The following TRPS1 variants were observed in gnomAD, a reference collection of about 807,000 sequenced individuals.
TRPS1 encodes the protein zinc finger transcription factor Trps1.
A neutral mutation model predicts 101.2 loss-of-function variants in TRPS1; 6 were observed. The ratio of observed to expected loss-of-function variants is 0.06; its 90% confidence interval spans 0.03 to 0.12. TRPS1 has a LOEUF of 0.12. TRPS1 is among the 10% of genes least tolerant of loss of function. The probability of loss-of-function intolerance (pLI) is 1.00; values close to 1 mark genes in which losing one functional copy is unlikely to be tolerated. For missense variants in TRPS1, 1,363 were observed against 1,567.0 expected (o/e 0.87, Z 2.20); for synonymous variants, 578 against 589.8 (o/e 0.98, Z 0.29).
chr8:115,589,235 G>A (rs1343247111), intron 4 of TRPS1, among the ~76,000 whole-genome samples: 1 of 152,152 alleles, frequency 6.6e-6, no homozygotes, highest in Admixed American at 6.5e-5. Flanking sequence ...GGTCATGGTA[G>A]GGACAGGGGA....
chr8:115,495,688 TAA>T (rs3839860), intron 5 of TRPS1, among the ~76,000 whole-genome samples: 6 of 148,166 alleles, frequency 4.0e-5, no homozygotes, highest in African/African-American at 9.9e-5. Flanking sequence ...TATCATCTGT[TAA>T]AAAAAAAAAT....
At chr8:115,484,875 T>C (rs957334067) in intron 5 of TRPS1, among the ~76,000 whole-genome samples, 2 of 152,208 alleles carry the variant, frequency 1.3e-5, no homozygotes, top group Non-Finnish European at 2.9e-5. Context: ...TCAGTTGTCC[T>C]GAGGCATTAG....
At chr8:115,564,995 C>T (rs183388316) in intron 5 of TRPS1, among the ~76,000 whole-genome samples, 3 of 152,092 alleles carry the variant, frequency 2.0e-5, no homozygotes, top group East Asian at 1.9e-4. Flanking sequence ...ATAGGGGCTT[C>T]GAATAAACAT....
chr8:115,533,285 A>C (rs1454694651), intron 5 of TRPS1, among the ~76,000 whole-genome samples: 1 of 152,124 alleles, frequency 6.6e-6, no homozygotes, highest in Non-Finnish European at 1.5e-5. Context: ...CCTCTGGTGA[A>C]TCAAGGTCAG....
intron 5 of TRPS1, among the ~76,000 whole-genome samples, chr8:115,539,368 C>T (rs1816398611): frequency 6.6e-6 from 1 of 152,216 alleles, no homozygotes; most frequent in African/African-American, 2.4e-5. Context: ...CTTCAGCTAT[C>T]TAATTTTTGC....
At chr8:115,612,124 G>A (rs1818182436) in intron 3 of TRPS1, among the ~76,000 whole-genome samples, 4 of 141,850 alleles carry the variant, frequency 2.8e-5, no homozygotes, top group African/African-American at 1.1e-4. Flanking sequence ...GAGAAAGGAA[G>A]ATAAAAGAAG....
intron 5 of TRPS1, among the ~76,000 whole-genome samples, chr8:115,460,152 G>A (rs1814131320): frequency 6.6e-6 from 1 of 151,956 alleles, no homozygotes; most frequent in Non-Finnish European, 1.5e-5. Flanking sequence ...CTTACACATA[G>A]TGTTCAATAA....
chr8:115,500,973 C>A (rs922527287), intron 5 of TRPS1, among the ~76,000 whole-genome samples: 1 of 145,514 alleles, frequency 6.9e-6, no homozygotes, highest in Admixed American at 7.1e-5. Context: ...ACATTCTTCC[C>A]ATGTGTATGT....
At chr8:115,640,174 C>A (rs938595743) in intron 1 of TRPS1, among the ~76,000 whole-genome samples, 1 of 152,090 alleles carries the variant, frequency 6.6e-6, no homozygotes, top group Middle Eastern at 3.2e-3. Flanking sequence ...AAAAAAAATT[C>A]TCTATAAAAG....
intron 4 of TRPS1, among the ~76,000 whole-genome samples, chr8:115,602,643 A>G (rs1005697118): frequency 1.6e-4 from 25 of 152,250 alleles, no homozygotes; most frequent in African/African-American, 6.0e-4. Context: ...CTGAAAAAAC[A>G]TACACACACT....
At chr8:115,636,861 G>A (rs182805048) in intron 1 of TRPS1, among the ~76,000 whole-genome samples, 162 of 151,868 alleles carry the variant, frequency 1.1e-3, no homozygotes, top group African/African-American at 3.7e-3. Context: ...ACAGTGAGCC[G>A]AGACAGCACC....
intron 5 of TRPS1, among the ~76,000 whole-genome samples, chr8:115,480,910 T>G (rs868477115): frequency 6.6e-6 from 1 of 152,230 alleles, no homozygotes; most frequent in Middle Eastern, 3.4e-3. Flanking sequence ...TTAAAATAAG[T>G]CGACAGAATT....
intron 5 of TRPS1, among the ~76,000 whole-genome samples, chr8:115,544,203 T>G (rs1258321397): frequency 6.7e-6 from 1 of 150,326 alleles, no homozygotes; most frequent in Non-Finnish European, 1.5e-5. Context: ...TTGCAGCCCA[T>G]CACTAAGTAG....
intron 5 of TRPS1, among the ~76,000 whole-genome samples, chr8:115,421,774 T>C (rs1460561300): frequency 6.6e-6 from 1 of 152,202 alleles, no homozygotes; most frequent in Non-Finnish European, 1.5e-5. Context: ...GAACCACATC[T>C]TTCTAAAACA....
At chr8:115,562,088 A>T (rs1198439719) in intron 5 of TRPS1, among the ~76,000 whole-genome samples, 1 of 152,138 alleles carries the variant, frequency 6.6e-6, no homozygotes, top group Admixed American at 6.6e-5. Flanking sequence ...AAATATAACA[A>T]TAAAAAGCTC....
intron 1 of TRPS1, 79 bp from the exon 2 acceptor site, chr8:115,623,837 T>A: frequency 7.6e-7 from 1 of 1,308,316 alleles, no homozygotes; most frequent in Non-Finnish European, 9.9e-7. Context: ...TAAAATATAT[T>A]AATATGCTGG....
chr8:115,413,872 A>G lies in TRPS1; in HGVS notation c.*151T>C. The G allele has an allele frequency of 2.6e-6, 2 of 765,302 alleles. No individual in the cohort carries two copies. The highest frequency in any genetic ancestry group is 1.9e-5 in the South Asian group (1 of 51,446). The allele number at this position is 765,302 out of a possible 1,614,324, so 47.4% of individuals were successfully genotyped here. A position where few individuals can be genotyped will look rare whatever the true frequency, so the allele number is the denominator to read the frequency against. On this transcript the variant is annotated 3_prime_UTR_variant, in exon 7 of 7. Coordinates refer to ENST00000395715, the MANE Select transcript of TRPS1 (RefSeq NM_014112.5). Reference sequence around the variant, plus strand: ...TTTTAATCTTGGTAACCTACTCATCAAAAGAAAGAATAACAAAAGAAGGGA... The same window carrying G: ...TTTTAATCTTGGTAACCTACTCATCGAAAGAAAGAATAACAAAAGAAGGGA...
At chr8:115,485,775 G>T (rs1814864447) in intron 5 of TRPS1, among the ~76,000 whole-genome samples, 1 of 152,216 alleles carries the variant, frequency 6.6e-6, no homozygotes, top group African/African-American at 2.4e-5. Context: ...TTTGAACAAA[G>T]AGATGATATA....
chr8:115,604,406 C>G lies in TRPS1; in HGVS notation c.1563G>C (p.Lys521Asn). 1 of 1,614,010 alleles carries G rather than the reference C, an allele frequency of 6.2e-7. No individual in the cohort carries two copies. Among genetic ancestry groups the G allele is most frequent in the Non-Finnish European group, 8.5e-7 (1 of 1,179,968 alleles). Residue 521 changes from lysine to asparagine, a missense_variant, in exon 4 of 7, where the codon AAG becomes AAC. By Grantham distance (94) the Lys-to-Asn change is moderately conservative (BLOSUM62 0). Around this residue, in one of 5 missense-constraint regions of TRPS1, gnomAD observed 1,020 missense variants for 1,073.0 expected, o/e 0.95. Transcript: ENST00000395715. This position sits in a 1 kb window ranked among gnomAD's most constrained non-coding sequence, Gnocchi z 4.1. ...TDKSSSGAKK[K>N]DFSSKGAEDN... ...CCTCGGCTCCCTTGCTGGAGAAGTC[C>G]TTCTTTTTAGCCCCACTCGAGCTCT... is the stretch of plus-strand genomic sequence containing the variant.
Sources: gnomAD v4.1 joint callset for allele counts (sites outside exome capture counted in the v4.1 genomes callset) on GRCh38, gnomAD v4.1.1 for gene constraint, gnomAD v4.1.1 regional missense constraint, Gnocchi (gnomAD v3.1) non-coding constraint, MANE v1.5 for transcripts, NCBI Gene and HGNC (gene_info 2026-07-23, HGNC 2026-07-21) for gene names.